The following ZNF654 variants were observed in gnomAD, a reference collection of about 807,000 sequenced individuals.
ZNF654 encodes the protein melanoma-associated antigen.
A neutral mutation model predicts 95.3 loss-of-function variants in ZNF654; 19 were observed. The observed-to-expected ratio is 0.20, with a 90% CI of 0.14 to 0.29. The LOEUF (loss-of-function observed/expected upper bound fraction) is 0.29, where lower values mean the gene tolerates loss of function less well. Ranked by LOEUF, ZNF654 falls within the 10% of genes least tolerant of loss-of-function variation. ZNF654 has a pLI of 1.00. For missense variants in ZNF654, 1,046 were observed against 1,341.0 expected, an observed-to-expected ratio of 0.78 and a Z score of 3.44; for synonymous variants, 413 against 457.9, an observed-to-expected ratio of 0.90 and a Z score of 1.25.
intron 1 of ZNF654, among the ~76,000 whole-genome samples, chr3:88,069,981 C>T (rs1707415234): frequency 6.6e-6 from 1 of 152,112 alleles, no homozygotes; most frequent in Admixed American, 6.5e-5. Flanking sequence ...TGGCCTTTAT[C>T]TGTCGTACTG....
intron 1 of ZNF654, among the ~76,000 whole-genome samples, chr3:88,064,102 GCTT>G (rs1039999524): frequency 6.6e-5 from 7 of 105,696 alleles, no homozygotes; most frequent in African/African-American, 1.9e-4. Flanking sequence ...TGAATAACGA[GCTT>G]CTTCTTTTTT....
rs1303950443 is a variant in ZNF654 at position 88,126,826 on chromosome 3, A to G, written c.550+557A>G. On this transcript the variant is annotated intron_variant, in intron 4 of 8. Coordinates refer to ENST00000636215, the MANE Select transcript of ZNF654 (RefSeq NM_001350134.2). ...AGTGAATAAGTGACTAACTGAATGAATAAATTTGAATTCTAGAGCAGTATT... is the reference window on the plus strand; with the variant it reads ...AGTGAATAAGTGACTAACTGAATGAGTAAATTTGAATTCTAGAGCAGTATT... Among the ~76,000 whole-genome samples, 4 of 152,158 alleles carry G rather than the reference A, an allele frequency of 2.6e-5. No homozygotes were observed. In the East Asian group the frequency reaches 7.7e-4, roughly 29 times the overall value.
intron 3 of ZNF654, among the ~76,000 whole-genome samples, chr3:88,117,577 G>A (rs544105058): frequency 6.6e-6 from 1 of 152,004 alleles, no homozygotes; most frequent in Non-Finnish European, 1.5e-5. Context: ...TACAAATGGG[G>A]TCATTACAGA....
chr3:88,079,468 T>A (rs1707973226), intron 1 of ZNF654, among the ~76,000 whole-genome samples: 1 of 152,108 alleles, frequency 6.6e-6, no homozygotes, highest in African/African-American at 2.4e-5. Flanking sequence ...AACTTCAAAC[T>A]GGAACTGATA....
chr3:88,141,383 A>C (rs1232786825), intron 8 of ZNF654, among the ~76,000 whole-genome samples: 1 of 152,108 alleles, frequency 6.6e-6, no homozygotes, highest in East Asian at 1.9e-4. Context: ...AGTTTCATAT[A>C]ATAAAAGTTG....
At chr3:88,099,269 T>TA in intron 2 of ZNF654, among the ~76,000 whole-genome samples, 1 of 152,106 alleles carries the variant, frequency 6.6e-6, no homozygotes, top group Non-Finnish European at 1.5e-5. Flanking sequence ...GAATCCAACT[T>TA]ACAAGGGATG....
intron 1 of ZNF654, among the ~76,000 whole-genome samples, chr3:88,071,121 T>C (rs1404673357): frequency 1.3e-5 from 2 of 152,222 alleles, no homozygotes; most frequent in Non-Finnish European, 2.9e-5. Context: ...TATTCAATTT[T>C]TGCTTTCCTT....
intron 3 of ZNF654, among the ~76,000 whole-genome samples, chr3:88,117,641 A>C (rs1172385711): frequency 6.6e-6 from 1 of 152,200 alleles, no homozygotes; most frequent in African/African-American, 2.4e-5. Flanking sequence ...TATTATGGTT[A>C]TCATGAAGAA....
At chr3:88,059,582 G>C in intron 1 of ZNF654, 77 bp downstream of exon 1, 1 of 1,440,846 alleles carries the variant, frequency 6.9e-7, no homozygotes, top group Non-Finnish European at 9.1e-7. Flanking sequence ...TCTCGTCCAT[G>C]AATCTGGTCT....
chr3:88,098,418 A>G (rs1199598668), intron 2 of ZNF654, among the ~76,000 whole-genome samples: 6 of 152,236 alleles, frequency 3.9e-5, no homozygotes, highest in Admixed American at 3.3e-4. Context: ...AGGAGCTGGT[A>G]TCATTCGTTC....
intron 3 of ZNF654, among the ~76,000 whole-genome samples, chr3:88,118,529 TGAA>T (rs2107789212): frequency 6.6e-6 from 1 of 152,228 alleles, no homozygotes; most frequent in East Asian, 1.9e-4. Flanking sequence ...TTAGCTAAGA[TGAA>T]GACGTTTAGA....
chr3:88,086,426 A>C (rs1415514736), intron 2 of ZNF654, 24 bp downstream of exon 2: 1 of 1,452,470 alleles, frequency 6.9e-7, no homozygotes, highest in African/African-American at 1.4e-5. Context: ...ACTTCTTATA[A>C]ATGCATTATT....
chr3:88,093,789 T>C (rs1234146909), intron 2 of ZNF654, among the ~76,000 whole-genome samples: 4 of 152,222 alleles, frequency 2.6e-5, no homozygotes, highest in Admixed American at 2.6e-4. Context: ...GTCTAGGCTT[T>C]CAACTAATTT....
rs1363934550 is a variant in ZNF654, at chr3:88,140,479, G to A, written c.2810G>A (p.Ser937Asn). 1 of 1,613,668 alleles carries A rather than the reference G, an allele frequency of 6.2e-7. No homozygotes were observed. Among genetic ancestry groups the A allele is most frequent in the Admixed American group, 1.7e-5 (1 of 59,954 alleles). ...CIESMEKKTDSLVQNGNERSD... is the reference protein window; with the variant it reads ...CIESMEKKTDNLVQNGNERSD... ...GAAAGTATGGAAAAGAAAACAGACAGTTTAGTTCAGAATGGAAACGAACGT... is the reference window on the plus strand; with the variant it reads ...GAAAGTATGGAAAAGAAAACAGACAATTTAGTTCAGAATGGAAACGAACGT... Residue 937 changes from serine (S) to asparagine (N), a missense_variant, in exon 8 of 9, where the codon AGT becomes AAT. By Grantham distance (46) the Ser-to-Asn change is conservative (BLOSUM62 1). This residue lies in a region of ZNF654 where 495 missense variants were observed against 537.0 expected (regional missense o/e 0.92). Transcript: ENST00000636215.
chr3:88,083,121 C>G (rs1162570167), intron 1 of ZNF654, among the ~76,000 whole-genome samples: 1 of 152,004 alleles, frequency 6.6e-6, no homozygotes, highest in Non-Finnish European at 1.5e-5. Context: ...AGGACTTCAC[C>G]TTTATGACCT....
At chr3:88,063,645 C>T (rs1454751378) in intron 1 of ZNF654, among the ~76,000 whole-genome samples, 1 of 151,878 alleles carries the variant, frequency 6.6e-6, no homozygotes, top group Non-Finnish European at 1.5e-5. Flanking sequence ...TATTAATGTA[C>T]TTAGTTTTAA....
intron 7 of ZNF654, among the ~76,000 whole-genome samples, chr3:88,136,323 ATATAT>A (rs1252060980): frequency 1.3e-5 from 2 of 152,318 alleles, no homozygotes; most frequent in African/African-American, 2.4e-5. Flanking sequence ...AAACCTGCAA[ATATAT>A]TATAAAAGGA....
chr3:88,117,660 T>C (rs1275604668), intron 3 of ZNF654, among the ~76,000 whole-genome samples: 1 of 152,160 alleles, frequency 6.6e-6, no homozygotes, highest in Non-Finnish European at 1.5e-5. Context: ...AATCCATTAA[T>C]GTCTAATGAT....
chr3:88,084,361 G>A (rs371543308), intron 1 of ZNF654, among the ~76,000 whole-genome samples: 1 of 152,172 alleles, frequency 6.6e-6, no homozygotes, highest in African/African-American at 2.4e-5. Flanking sequence ...ATGTGGCACC[G>A]GAGTAGGGGT....
Sources: allele counts gnomAD v4.1 joint callset (sites outside exome capture counted in the v4.1 genomes callset), GRCh38; gene constraint gnomAD v4.1.1; regional missense constraint gnomAD v4.1.1; transcripts MANE v1.5; gene names NCBI Gene and HGNC (gene_info 2026-07-23, HGNC 2026-07-21).